OSBP2: variants seen among roughly 807,000 people sequenced by gnomAD.
The protein encoded by OSBP2 is oxysterol binding protein 2.
In OSBP2, 66 loss-of-function variants were observed where a neutral mutation model predicts 96.0. That is an observed-to-expected ratio of 0.69 (90% CI 0.56 to 0.84). OSBP2 has a LOEUF of 0.84. Among genes scored for constraint, OSBP2 ranks in the 40% least tolerant of loss-of-function variants. The pLI is 0.00. For missense variants in OSBP2, 1,038 were observed against 1,222.7 expected (o/e 0.85, Z 2.25); for synonymous variants, 525 against 520.9 (o/e 1.01, Z -0.11).
chr22:30,704,482 C>T lies in OSBP2; in HGVS notation c.644+8929C>T, dbSNP rs558537917. The stretch of plus-strand genomic sequence containing the variant: ...TCATGTGGGCACCTTCTGTTTGGCA[C>T]GTACCCAAATTCCAGATTCCCAGAA... On this transcript the variant is annotated intron_variant, in intron 1 of 13. Transcript: ENST00000332585. Among the ~76,000 whole-genome samples the T allele has an allele frequency of 5.8e-4, 88 of 151,664 alleles. No individual in the cohort carries two copies. In the Middle Eastern group the frequency reaches 0.017, roughly 30 times the overall value.
intron 1 of OSBP2, among the ~76,000 whole-genome samples, chr22:30,733,260 G>A (rs965884733): frequency 6.6e-6 from 1 of 152,158 alleles, no homozygotes; most frequent in Non-Finnish European, 1.5e-5. Flanking sequence ...AGCAAGGGGA[G>A]GATGCAAAGT....
chr22:30,860,726 C>T (rs5753352), intron 2 of OSBP2, among the ~76,000 whole-genome samples: 120,410 of 152,168 alleles, frequency 0.79, 47,988 homozygotes, highest in African/African-American at 0.87. Flanking sequence ...CTCATTCCTT[C>T]GAGGCAACCC....
intron 1 of OSBP2, among the ~76,000 whole-genome samples, chr22:30,722,166 G>A (rs900323254): frequency 6.6e-6 from 1 of 152,162 alleles, no homozygotes. Flanking sequence ...TCATTCCTCT[G>A]CCTGGCTCCC....
At chr22:30,769,686 A>G (rs1252123119) in intron 2 of OSBP2, among the ~76,000 whole-genome samples, 2 of 152,154 alleles carry the variant, frequency 1.3e-5, no homozygotes, top group Non-Finnish European at 2.9e-5. Flanking sequence ...TAAATAATAC[A>G]AAACAGTCTA....
chr22:30,858,421 C>T (rs887877488), intron 2 of OSBP2, among the ~76,000 whole-genome samples: 2 of 150,956 alleles, frequency 1.3e-5, no homozygotes, highest in African/African-American at 4.9e-5. Context: ...GCTGGGATTA[C>T]AGGTGTGAGC....
chr22:30,889,427 T>C (rs1396035593), intron 6 of OSBP2, 63 bp from the exon 7 acceptor site: 4 of 1,597,100 alleles, frequency 2.5e-6, no homozygotes, highest in Non-Finnish European at 3.4e-6. Context: ...GGGCAGAAAC[T>C]TGGAAGCCAA....
rs16989184 is a variant in OSBP2 at position 30,895,091 on chromosome 22, A to G, written c.2375+1090A>G. 8.9e-3 allele frequency among the ~76,000 whole-genome samples: 1,349 copies of G among 152,340 alleles called. 17 individuals carry two copies. The highest frequency in any genetic ancestry group is 0.031 in the African/African-American group (1,299 of 41,568). ...ACAACATTTTAGAATGTGGCTGCAC[A>G]GTACGAAGAGGAATGAAGGGAGGGA... On this transcript the variant is annotated intron_variant, in intron 12 of 13. Coordinates refer to ENST00000332585, the MANE Select transcript of OSBP2 (RefSeq NM_030758.4).
At chr22:30,873,326 CG>C (rs2039499435) in intron 3 of OSBP2, among the ~76,000 whole-genome samples, 1 of 152,138 alleles carries the variant, frequency 6.6e-6, no homozygotes, top group African/African-American at 2.4e-5. Flanking sequence ...GGCCAGGATG[CG>C]GGGCAGCCTC....
Position 30,870,314 on chromosome 22 carries a change from G to A in OSBP2, c.854-115G>A. On this transcript the variant is annotated intron_variant, in intron 2 of 13. Coordinates refer to ENST00000332585, the MANE Select transcript of OSBP2 (RefSeq NM_030758.4). The surrounding 1 kb of genome is among the most constrained non-coding windows in gnomAD (Gnocchi z 4.1). Reference sequence around the variant, plus strand: ...GGAACAGGAACGGGCACCATCTCGGGGACTGATGTTTTTTGAATGGCGCTA... The same window carrying A: ...GGAACAGGAACGGGCACCATCTCGGAGACTGATGTTTTTTGAATGGCGCTA... 1 of 1,080,436 alleles carries A rather than the reference G, an allele frequency of 9.3e-7. No homozygotes were observed. The highest frequency in any genetic ancestry group is 1.3e-6 in the Non-Finnish European group (1 of 742,860). 66.9% of individuals were successfully genotyped at this position (1,080,436 alleles called of 1,614,324 possible).
intron 2 of OSBP2, among the ~76,000 whole-genome samples, chr22:30,780,344 TC>T (rs1482963193): frequency 6.6e-6 from 1 of 151,950 alleles, no homozygotes; most frequent in African/African-American, 2.4e-5. Flanking sequence ...TGCTGAGGAG[TC>T]GACCTCATCC....
intron 2 of OSBP2, among the ~76,000 whole-genome samples, chr22:30,792,671 A>T (rs577603458): frequency 6.6e-6 from 1 of 152,352 alleles, no homozygotes; most frequent in Non-Finnish European, 1.5e-5. Flanking sequence ...TTGGTTGGCA[A>T]CATGTTTTAT....
At position 30,747,551 on chromosome 22, in the gene OSBP2, G is replaced by T. The variant is rs551070313; in HGVS notation, c.853+6182G>T. ...TATGTATGTTTACATCCACACACAC[G>T]TATAAAATTATCTTAAGTGGCTTGC... On this transcript the variant is annotated intron_variant, in intron 2 of 13. Transcript: ENST00000332585. Among the ~76,000 whole-genome samples, 10 of 152,252 alleles carry T rather than the reference G, an allele frequency of 6.6e-5. No homozygotes were observed. In the East Asian group the frequency reaches 1.5e-3, roughly 23 times the overall value.
rs559880949 is a variant in OSBP2, at chr22:30,862,924, G to T, written c.854-7505G>T. Among the ~76,000 whole-genome samples, 3 of 150,194 alleles carry T rather than the reference G, an allele frequency of 2.0e-5. No individual in the cohort carries two copies. In the South Asian group the frequency reaches 6.3e-4, roughly 32 times the overall value. The stretch of plus-strand genomic sequence containing the variant: ...GTAGGCGGAGGTTGCAATGAGCCGA[G>T]ATTTTGCCACTGCACTCCAGCCCGG... On this transcript the variant is annotated intron_variant, in intron 2 of 13. Coordinates refer to ENST00000332585, the MANE Select transcript of OSBP2 (RefSeq NM_030758.4).
intron 2 of OSBP2, among the ~76,000 whole-genome samples, chr22:30,808,586 C>T (rs1391135391): frequency 6.6e-6 from 1 of 152,160 alleles, no homozygotes; most frequent in African/African-American, 2.4e-5. Context: ...AGGGTCTTTG[C>T]AGATGGAATC....
intron 2 of OSBP2, among the ~76,000 whole-genome samples, chr22:30,754,575 C>T (rs1234535763): frequency 5.9e-5 from 9 of 152,180 alleles, no homozygotes; most frequent in Admixed American, 2.6e-4. Flanking sequence ...ACTGTTTCCC[C>T]GTGCCCCTTG....
chr22:30,745,418 G>A (rs2089986654), intron 2 of OSBP2, among the ~76,000 whole-genome samples: 2 of 152,140 alleles, frequency 1.3e-5, no homozygotes, highest in Admixed American at 6.5e-5. Flanking sequence ...CCAGCACTTT[G>A]GGAGGCCAAG....
At chr22:30,778,309 A>G (rs959066409) in intron 2 of OSBP2, among the ~76,000 whole-genome samples, 2 of 150,436 alleles carry the variant, frequency 1.3e-5, no homozygotes, top group African/African-American at 4.9e-5. Context: ...ATGTGCACAC[A>G]CACACACACA....
intron 2 of OSBP2, among the ~76,000 whole-genome samples, chr22:30,783,459 C>T (rs2090547443): frequency 6.6e-6 from 1 of 151,694 alleles, no homozygotes; most frequent in African/African-American, 2.4e-5. Context: ...GTAGCTGGGA[C>T]TACAGGTGTG....
intron 2 of OSBP2, among the ~76,000 whole-genome samples, chr22:30,859,670 C>T (rs2039167903): frequency 1.3e-5 from 2 of 152,346 alleles, no homozygotes; most frequent in South Asian, 4.1e-4. Flanking sequence ...GGCCTATAAC[C>T]AGGTGTAATA....
Sources: allele counts gnomAD v4.1 joint callset (sites outside exome capture counted in the v4.1 genomes callset), GRCh38; gene constraint gnomAD v4.1.1; non-coding constraint Gnocchi (gnomAD v3.1); transcripts MANE v1.5; gene names NCBI Gene and HGNC (gene_info 2026-07-23, HGNC 2026-07-21).